Variants in QPCT observed in about 807,000 individuals in gnomAD.
The protein encoded by QPCT is glutaminyl-peptide cyclotransferase.
Under a neutral mutation model 43.4 loss-of-function variants are expected in QPCT, and 44 were observed. That is an observed-to-expected ratio of 1.01 (90% confidence interval 0.80 to 1.30). The LOEUF (loss-of-function observed/expected upper bound fraction) is 1.30. QPCT is among the 50% of genes most tolerant of loss of function. The pLI is 0.00. For missense variants in QPCT, 526 were observed against 436.5 expected (o/e 1.21, Z -1.83); for synonymous variants, 168 against 168.4 (o/e 1.00, Z 0.02).
At chr2:37,357,750 A>C (rs964050195) in intron 2 of QPCT, among the ~76,000 whole-genome samples, 1 of 152,094 alleles carries the variant, frequency 6.6e-6, no homozygotes, top group East Asian at 1.9e-4. Flanking sequence ...TCCTCCCACT[A>C]TTTAAATTCC....
At chr2:37,360,602 G>A (rs1308659021) in intron 3 of QPCT, among the ~76,000 whole-genome samples, 1 of 152,200 alleles carries the variant, frequency 6.6e-6, no homozygotes, top group Non-Finnish European at 1.5e-5. Context: ...CCCGCTCAGA[G>A]CTTTATGAAG....
intron 3 of QPCT, among the ~76,000 whole-genome samples, chr2:37,364,339 T>A (rs991144663): frequency 6.6e-6 from 1 of 152,092 alleles, no homozygotes. Flanking sequence ...AGGTTGATGG[T>A]GAGGGGAGCC....
chr2:37,369,458 C>A (rs1451624786), intron 4 of QPCT, among the ~76,000 whole-genome samples: 1 of 152,172 alleles, frequency 6.6e-6, no homozygotes, highest in Non-Finnish European at 1.5e-5. Flanking sequence ...GTTACATACA[C>A]AAATAATCAA....
In QPCT at chr2:37,352,816, T is replaced by C. The variant is rs371567409; in HGVS notation, c.148T>C (p.Ser50Pro). 2.6e-5 allele frequency: 42 copies of C among 1,614,136 alleles called. No individual in the cohort carries two copies. Among genetic ancestry groups the C allele is most frequent in the Non-Finnish European group, 2.5e-5 (30 of 1,179,978 alleles). The change falls in exon 2 of 7, where the codon TCA becomes CCA. Residue 50 changes from serine (S) to proline (P), a missense_variant. Coordinates refer to ENST00000338415, the MANE Select transcript of QPCT (RefSeq NM_012413.4). ...TTACCACCAGCCAGCCATTTTGAAT[T>C]CATCGGCTCTTCGGCAAATTGCAGA... The part of the protein sequence containing the change: ...KNYHQPAILN[S>P]SALRQIAEGT...
intron 1 of QPCT, among the ~76,000 whole-genome samples, chr2:37,347,207 C>CATATAT (rs1431421912): frequency 6.9e-5 from 2 of 28,986 alleles, no homozygotes; most frequent in East Asian, 3.4e-3. Flanking sequence ...ATATATATAA[C>CATATAT]ATATATATAA....
chr2:37,348,040 C>CTCTG (rs1672541378), intron 1 of QPCT, among the ~76,000 whole-genome samples: 1 of 137,742 alleles, frequency 7.3e-6, no homozygotes, highest in East Asian at 2.5e-4. Context: ...TTATTTCTAT[C>CTCTG]TCTCTCTCTC....
intron 1 of QPCT, among the ~76,000 whole-genome samples, chr2:37,352,180 A>G (rs531815944): frequency 1.5e-4 from 23 of 152,332 alleles, no homozygotes; most frequent in African/African-American, 5.1e-4. Flanking sequence ...ACATGTAATC[A>G]TTATAAAATT....
intron 3 of QPCT, among the ~76,000 whole-genome samples, chr2:37,366,870 A>G (rs1672974376): frequency 6.6e-6 from 1 of 152,174 alleles, no homozygotes; most frequent in Non-Finnish European, 1.5e-5. Context: ...TCCTAAAGTG[A>G]CTGACGGCTC....
chr2:37,371,869 G>A (rs985320911), intron 5 of QPCT, among the ~76,000 whole-genome samples: 1 of 152,166 alleles, frequency 6.6e-6, no homozygotes, highest in Non-Finnish European at 1.5e-5. Context: ...CACACTTTGA[G>A]AACCACTGAT....
intron 5 of QPCT, among the ~76,000 whole-genome samples, chr2:37,370,734 A>G (rs1673055476): frequency 6.6e-6 from 1 of 152,200 alleles, no homozygotes; most frequent in Non-Finnish European, 1.5e-5. Context: ...CCCAAGAAAC[A>G]TACGTATCTA....
At chr2:37,360,476 T>C (rs1672840087) in intron 3 of QPCT, among the ~76,000 whole-genome samples, 1 of 152,080 alleles carries the variant, frequency 6.6e-6, no homozygotes, top group East Asian at 1.9e-4. Flanking sequence ...TAAGGGTATA[T>C]TGGAAAAAAG....
chr2:37,371,127 G>A (rs1572739563), intron 5 of QPCT, among the ~76,000 whole-genome samples: 1 of 152,098 alleles, frequency 6.6e-6, no homozygotes, highest in Non-Finnish European at 1.5e-5. Context: ...GTTTGAAAGA[G>A]TTACTCTAAT....
chr2:37,356,492 C>T (rs984671781), intron 2 of QPCT, among the ~76,000 whole-genome samples: 1 of 152,154 alleles, frequency 6.6e-6, no homozygotes, highest in African/African-American at 2.4e-5. Context: ...AGAGTCCCTG[C>T]CACAGCCACG....
intron 1 of QPCT, among the ~76,000 whole-genome samples, chr2:37,352,528 C>T (rs927511042): frequency 6.6e-6 from 1 of 152,076 alleles, no homozygotes; most frequent in Non-Finnish European, 1.5e-5. Context: ...GATAAGGTCT[C>T]ATTATGTTGC....
At position 37,366,999 on chromosome 2, in the gene QPCT, C is replaced by T. The variant is rs73924615; in HGVS notation, c.547-233C>T. 1.5e-3 allele frequency: 691 copies of T among 460,026 alleles called. 6 individuals carry two copies. Among genetic ancestry groups the T allele is most frequent in the African/African-American group, 0.013 (625 of 49,400 alleles). 28.5% of individuals were successfully genotyped at this position (460,026 alleles called of 1,614,324 possible). ...GAGGAGTAAGAAAAAATATAAAAGA[C>T]TTCTATTTTCAGAGGGAATGGAAGA... On this transcript the variant is annotated intron_variant, in intron 3 of 6. Transcript: ENST00000338415.
intron 4 of QPCT, 100 bp from the exon 5 acceptor site, chr2:37,369,585 T>A: frequency 1.2e-6 from 1 of 857,966 alleles, no homozygotes. Context: ...TTATTCTCAA[T>A]TACTGAAATG....
chr2:37,368,121 G>C (rs1158492326), intron 4 of QPCT, among the ~76,000 whole-genome samples: 1 of 152,060 alleles, frequency 6.6e-6, no homozygotes, highest in Non-Finnish European at 1.5e-5. Context: ...TTTCCTTGGT[G>C]GCTTCAAAGT....
At chr2:37,367,108 C>A in intron 3 of QPCT, 124 bp from the exon 4 acceptor site, 1 of 1,123,142 alleles carries the variant, frequency 8.9e-7, no homozygotes, top group Non-Finnish European at 1.3e-6. Flanking sequence ...GCCATAGTTT[C>A]ACTTGCTTTG....
At chr2:37,346,302 TC>T (rs1337465341) in intron 1 of QPCT, among the ~76,000 whole-genome samples, 3 of 152,084 alleles carry the variant, frequency 2.0e-5, no homozygotes, top group Admixed American at 6.5e-5. Context: ...GAAAACAACT[TC>T]CCATGGGGGC....
Sources: allele counts gnomAD v4.1 joint callset (sites outside exome capture counted in the v4.1 genomes callset), GRCh38; gene constraint gnomAD v4.1.1; transcripts MANE v1.5; gene names NCBI Gene and HGNC (gene_info 2026-07-23, HGNC 2026-07-21).